Variants in F9 observed in about 807,000 individuals in gnomAD.
The protein encoded by F9 is Christmas factor.
Under a neutral mutation model 34.1 loss-of-function variants are expected in F9, and 2 were observed. That is an observed-to-expected ratio of 0.06 (90% CI 0.02 to 0.18). F9 has a LOEUF of 0.18. Ranked by LOEUF, F9 falls within the 10% of genes least tolerant of loss-of-function variation. The pLI is 1.00. For missense variants in F9, 216 were observed against 345.1 expected (o/e 0.63, Z 2.96); for synonymous variants, 137 against 118.8 (o/e 1.15, Z -1.00).
chrX:139,545,010 A>G (rs1049492452), intron 4 of F9: 1 of 111,862 alleles, frequency 8.9e-6, no homozygotes, highest in Non-Finnish European at 1.9e-5. Flanking sequence ...AAGGCAAAAG[A>G]CACATAGTGC....
intron 6 of F9, among the ~76,000 whole-genome samples, chrX:139,552,611 A>G (rs894053397): frequency 8.9e-6 from 1 of 112,398 alleles, no homozygotes; most frequent in Non-Finnish European, 1.9e-5. Flanking sequence ...CAATTCCTCA[A>G]TTGCACCTGC....
intron 4 of F9, chrX:139,547,743 A>C (rs761570556): frequency 8.9e-6 from 1 of 112,696 alleles, no homozygotes; most frequent in South Asian, 3.6e-4. Flanking sequence ...GGAATACTAC[A>C]CAGCAATGTA....
At chrX:139,560,877 T>C in intron 7 of F9, 22 bp downstream of exon 7, 1 of 1,030,601 alleles carries the variant, frequency 9.7e-7, no homozygotes. Flanking sequence ...GAAAGAATAA[T>C]AATCTGCAGC....
chrX:139,542,890 G>T (rs1441024218), intron 4 of F9, among the ~76,000 whole-genome samples: 1 of 110,816 alleles, frequency 9.0e-6, no homozygotes, highest in Non-Finnish European at 1.9e-5. Flanking sequence ...ACCACTCCTG[G>T]CCTCTACAGT....
intron 6 of F9, among the ~76,000 whole-genome samples, chrX:139,555,624 A>G (rs2148364758): frequency 8.9e-6 from 1 of 112,879 alleles, no homozygotes; most frequent in Non-Finnish European, 1.9e-5. Context: ...TTCCCTCCAG[A>G]TGCCCAGCGA....
chrX:139,541,316 T>G, intron 4 of F9, 127 bp downstream of exon 4: 1 of 390,093 alleles, frequency 2.6e-6, no homozygotes. Context: ...TATAAACATT[T>G]CATTTGTAGT....
intron 3 of F9, among the ~76,000 whole-genome samples, chrX:139,540,683 G>A (rs1187690254): frequency 2.7e-5 from 3 of 111,879 alleles, no homozygotes; most frequent in Admixed American, 9.5e-5. Context: ...GTGACATAGA[G>A]ATAATATTTG....
chrX:139,535,931 C>T (rs946616835), intron 1 of F9, among the ~76,000 whole-genome samples: 2 of 110,070 alleles, frequency 1.8e-5, no homozygotes, highest in Non-Finnish European at 3.8e-5. Flanking sequence ...CTCCTAGGCT[C>T]CTGGGCTGCA....
At chrX:139,556,403 G>C (rs978812976) in intron 6 of F9, among the ~76,000 whole-genome samples, 30 of 111,619 alleles carry the variant, frequency 2.7e-4, no homozygotes, top group African/African-American at 8.8e-4. Context: ...TATCTTTAAA[G>C]GTACCCTGTA....
At chrX:139,536,629 A>G (rs767352846) in intron 1 of F9, among the ~76,000 whole-genome samples, 105 of 111,947 alleles carry the variant, frequency 9.4e-4, no homozygotes, top group African/African-American at 3.0e-3. Flanking sequence ...TTGGGCAACC[A>G]TATTCTGAAA....
chrX:139,562,200 A>G lies in F9; in HGVS notation c.*129A>G, dbSNP rs1832903118. 1.7e-6 allele frequency: 1 copy of G among 596,478 alleles called. No individual in the cohort carries two copies. The allele number at this position is 596,478 out of a possible 1,213,427, so 49.2% of individuals were successfully genotyped here. A position where few individuals can be genotyped will look rare whatever the true frequency, so the allele number is the denominator to read the frequency against. On this transcript the variant is annotated 3_prime_UTR_variant, in exon 8 of 8. Transcript: ENST00000218099. The stretch of plus-strand genomic sequence containing the variant: ...TCTATGATCATTGCTTTTTCTCTTT[A>G]CAGGGGAGAATTTCATATTTTACCT...
chrX:139,549,729 G>A (rs1927798847), intron 5 of F9, among the ~76,000 whole-genome samples: 1 of 112,399 alleles, frequency 8.9e-6, no homozygotes, highest in Admixed American at 9.4e-5. Context: ...CAACCTTCCA[G>A]TGTGGATATC....
chrX:139,557,464 G>C (rs1008525171), intron 6 of F9, among the ~76,000 whole-genome samples: 4 of 111,769 alleles, frequency 3.6e-5, no homozygotes, highest in African/African-American at 1.3e-4. Flanking sequence ...CCATCCACCA[G>C]AAAGTAGTAG....
chrX:139,561,062 G>T (rs1928090098), intron 7 of F9, among the ~76,000 whole-genome samples: 1 of 111,437 alleles, frequency 9.0e-6, no homozygotes, highest in African/African-American at 3.3e-5. Flanking sequence ...ATTTCAGTGA[G>T]GTACAATTAG....
intron 6 of F9, among the ~76,000 whole-genome samples, chrX:139,558,008 A>C (rs1315454597): frequency 4.5e-5 from 5 of 111,837 alleles, no homozygotes; most frequent in Non-Finnish European, 9.4e-5. Flanking sequence ...TCTCCCTCCA[A>C]ACACCTGCCC....
chrX:139,536,265 A>G (rs775305316), intron 1 of F9, among the ~76,000 whole-genome samples: 4 of 67,141 alleles, frequency 6.0e-5, no homozygotes, highest in African/African-American at 1.5e-4. Flanking sequence ...ACATATATGT[A>G]TATATATATG....
intron 3 of F9, among the ~76,000 whole-genome samples, chrX:139,540,802 T>TC (rs1167774971): frequency 8.9e-6 from 1 of 112,025 alleles, no homozygotes; most frequent in African/African-American, 3.2e-5. Flanking sequence ...TACAAAAACG[T>TC]CCTTCTCCCT....
At position 139,551,022 on chromosome X, in the gene F9, G is replaced by A. The variant is rs765138918; in HGVS notation, c.521-40G>A. The A allele has an allele frequency of 3.3e-5, 38 of 1,139,890 alleles. No individual in the cohort carries two copies. In the African/African-American group the frequency reaches 5.4e-4, roughly 16 times the overall value. 93.9% of individuals were successfully genotyped at this position (1,139,890 alleles called of 1,213,427 possible). ...TGTAATACATGTTCCATTTGCCAAT[G>A]AGAAATATCAGGTTACTAATTTTTC... On this transcript the variant is annotated intron_variant, in intron 5 of 7. Transcript: ENST00000218099.
intron 6 of F9, among the ~76,000 whole-genome samples, chrX:139,556,783 G>C (rs1467381833): frequency 1.8e-5 from 2 of 112,320 alleles, no homozygotes; most frequent in Non-Finnish European, 3.7e-5. Context: ...CATCCCATCT[G>C]TTCCCAGTCA....
Sources: allele counts gnomAD v4.1 joint callset (sites outside exome capture counted in the v4.1 genomes callset), GRCh38; gene constraint gnomAD v4.1.1; transcripts MANE v1.5; gene names NCBI Gene and HGNC (gene_info 2026-07-23, HGNC 2026-07-21).